The following RAD51B variants were observed in gnomAD, a reference collection of about 807,000 sequenced individuals.
The protein encoded by RAD51B is DNA repair protein RAD51 homolog 2.
RAD51B carries 38 observed loss-of-function variants against 42.2 expected under a neutral mutation model. That is an observed-to-expected ratio of 0.90 (90% CI 0.70 to 1.18). The LOEUF (loss-of-function observed/expected upper bound fraction) is 1.18, where lower values mean the gene tolerates loss of function less well. RAD51B is among the 50% of genes most tolerant of loss of function. RAD51B has a pLI of 0.00. For synonymous variants in RAD51B, 154 were observed against 145.2 expected, an observed-to-expected ratio of 1.06 and a Z score of -0.43; for missense variants, 373 against 400.7, an observed-to-expected ratio of 0.93 and a Z score of 0.59.
chr14:68,142,824 T>A (rs1158488480), intron 7 of RAD51B, among the ~76,000 whole-genome samples: 1 of 152,172 alleles, frequency 6.6e-6, no homozygotes, highest in Non-Finnish European at 1.5e-5. Flanking sequence ...AGACCACACA[T>A]TTTGGATAAT....
intron 7 of RAD51B, among the ~76,000 whole-genome samples, chr14:68,276,430 A>G (rs2081226839): frequency 1.3e-5 from 2 of 152,308 alleles, no homozygotes; most frequent in Non-Finnish European, 2.9e-5. Context: ...TTTTAAACAG[A>G]AAAATATCAG....
rs551300200 is a variant in RAD51B at position 68,545,487 on chromosome 14, A to C, written c.1037-48998A>C. On this transcript the variant is annotated intron_variant, in intron 10 of 10. Coordinates refer to the RAD51B transcript ENST00000487270. ...AGGCATTTTTTTTCAGAATGGAACA[A>C]TATTGCCCTTGTCTTTAATGCCTTA... 142 of 451,528 alleles carry C rather than the reference A, an allele frequency of 3.1e-4. 1 individual carries two copies. The highest frequency in any genetic ancestry group is 5.6e-4 in the Non-Finnish European group (126 of 224,578). The allele number at this position is 451,528 out of a possible 1,614,324, so 28.0% of individuals were successfully genotyped here. A position where few individuals can be genotyped will look rare whatever the true frequency, so the allele number is the denominator to read the frequency against.
At chr14:67,825,861 C>G (rs1250018803) in intron 3 of RAD51B, among the ~76,000 whole-genome samples, 1 of 152,048 alleles carries the variant, frequency 6.6e-6, no homozygotes, top group Non-Finnish European at 1.5e-5. Flanking sequence ...TCCTGAGTAG[C>G]TGGGATTACA....
intron 8 of RAD51B, among the ~76,000 whole-genome samples, chr14:68,299,460 CT>C (rs2081677943): frequency 6.6e-6 from 1 of 152,242 alleles, no homozygotes; most frequent in African/African-American, 2.4e-5. Flanking sequence ...AGCATTTACA[CT>C]GTATTAGGTA....
intron 7 of RAD51B, among the ~76,000 whole-genome samples, chr14:67,982,108 T>C (rs2075104543): frequency 6.6e-6 from 1 of 152,110 alleles, no homozygotes. Flanking sequence ...GGCTGTTTTG[T>C]ATTTTTAGTA....
rs369901284 is a variant in RAD51B, at chr14:67,920,046, T to C, written c.756+32842T>C. 9.2e-5 allele frequency among the ~76,000 whole-genome samples: 14 copies of C among 152,334 alleles called. No homozygotes were observed. In the South Asian group the frequency reaches 2.9e-3, roughly 32 times the overall value. ...AAGGATTTAAAATCCATCTATATAT[T>C]GATAAGCATTCATCAGTTTTTATTT... On this transcript the variant is annotated intron_variant, in intron 7 of 10. Transcript: ENST00000471583.
At chr14:67,973,456 T>C (rs1202530194) in intron 7 of RAD51B, among the ~76,000 whole-genome samples, 1 of 152,140 alleles carries the variant, frequency 6.6e-6, no homozygotes, top group African/African-American at 2.4e-5. Flanking sequence ...TAAAGTGGAT[T>C]TTATGTAAAT....
chr14:68,091,270 C>T (rs1430720961), intron 7 of RAD51B, among the ~76,000 whole-genome samples: 184 of 152,198 alleles, frequency 1.2e-3, no homozygotes, highest in African/African-American at 4.2e-3. Context: ...CCCTGAGGAA[C>T]CACCACACTG....
chr14:68,048,136 T>C (rs1379228601), intron 7 of RAD51B, among the ~76,000 whole-genome samples: 2 of 152,210 alleles, frequency 1.3e-5, no homozygotes, highest in African/African-American at 4.8e-5. Context: ...TCTTTAAGTA[T>C]TTAATAAGAG....
At chr14:68,488,250 G>A (rs956640736) in intron 10 of RAD51B, among the ~76,000 whole-genome samples, 8 of 121,312 alleles carry the variant, frequency 6.6e-5, no homozygotes, top group African/African-American at 2.6e-4. Flanking sequence ...AAACTCAAAT[G>A]TGCATGCCAG....
chr14:68,409,551 A>G (rs1009626447), intron 8 of RAD51B, among the ~76,000 whole-genome samples: 1 of 152,236 alleles, frequency 6.6e-6, no homozygotes, highest in African/African-American at 2.4e-5. Flanking sequence ...TCAACATGGT[A>G]AAAGGAGAAG....
chr14:67,937,984 T>C (rs115550171), intron 7 of RAD51B, among the ~76,000 whole-genome samples: 1,564 of 152,250 alleles, frequency 0.01, 29 homozygotes, highest in African/African-American at 0.036. Flanking sequence ...GGTTTTTCTA[T>C]AGAATGACTT....
intron 7 of RAD51B, among the ~76,000 whole-genome samples, chr14:68,255,223 C>T (rs2080728440): frequency 6.6e-6 from 1 of 151,964 alleles, no homozygotes; most frequent in Non-Finnish European, 1.5e-5. Flanking sequence ...AACTTTTTCT[C>T]TTTGTGGTCT....
intron 4 of RAD51B, among the ~76,000 whole-genome samples, chr14:67,839,865 T>C (rs1310880650): frequency 6.6e-6 from 1 of 152,120 alleles, no homozygotes; most frequent in Non-Finnish European, 1.5e-5. Context: ...CCATTTTCAT[T>C]CTGTTCTAGA....
chr14:68,064,651 T>G (rs986888151), intron 7 of RAD51B, among the ~76,000 whole-genome samples: 3 of 152,044 alleles, frequency 2.0e-5, no homozygotes, highest in Non-Finnish European at 4.4e-5. Flanking sequence ...TTATTTCCTT[T>G]TCTTTTCTTC....
At chr14:68,505,138 C>T (rs920282736) in intron 10 of RAD51B, among the ~76,000 whole-genome samples, 1 of 152,182 alleles carries the variant, frequency 6.6e-6, no homozygotes, top group Non-Finnish European at 1.5e-5. Context: ...ACCTGGGATC[C>T]AAGGAACCCC....
chr14:68,156,456 TC>T (rs2078509642), intron 7 of RAD51B, among the ~76,000 whole-genome samples: 2 of 3,266 alleles, frequency 6.1e-4, no homozygotes, highest in African/African-American at 9.0e-4. Flanking sequence ...TTAGAAAATT[TC>T]TCTCTCTCTC....
chr14:68,131,703 T>TA (rs1402968544), intron 7 of RAD51B, among the ~76,000 whole-genome samples: 2 of 151,996 alleles, frequency 1.3e-5, no homozygotes, highest in African/African-American at 2.4e-5. Flanking sequence ...CTCAAAAAAA[T>TA]AAAAAAATAA....
At chr14:67,963,539 T>G (rs1021552497) in intron 7 of RAD51B, among the ~76,000 whole-genome samples, 136 of 152,264 alleles carry the variant, frequency 8.9e-4, no homozygotes, top group African/African-American at 3.2e-3. Flanking sequence ...TTAACTTATC[T>G]TGACCCCTTT....
Sources: gnomAD v4.1 joint callset for allele counts (sites outside exome capture counted in the v4.1 genomes callset) on GRCh38, gnomAD v4.1.1 for gene constraint, MANE v1.5 for transcripts, NCBI Gene and HGNC (gene_info 2026-07-23, HGNC 2026-07-21) for gene names.